The following SMYD3 variants were observed in gnomAD, a reference collection of about 807,000 sequenced individuals.
SMYD3 encodes SET and MYND domain containing 3.
A neutral mutation model predicts 57.7 loss-of-function variants in SMYD3; 36 were observed. The ratio of observed to expected loss-of-function variants is 0.62; its 90% CI spans 0.48 to 0.82. The LOEUF is 0.82. Ranked by LOEUF, SMYD3 falls within the 40% of genes least tolerant of loss-of-function variation. The pLI, the probability that SMYD3 is intolerant of heterozygous loss-of-function variation, is 0.00. For missense variants in SMYD3, 515 were observed against 538.8 expected, an observed-to-expected ratio of 0.96 and a Z score of 0.44; for synonymous variants, 211 against 195.0, an observed-to-expected ratio of 1.08 and a Z score of -0.68.
At chr1:246,150,544 T>C (rs973329395) in intron 5 of SMYD3, among the ~76,000 whole-genome samples, 2 of 152,232 alleles carry the variant, frequency 1.3e-5, no homozygotes, top group African/African-American at 2.4e-5. Context: ...CTTATTACTA[T>C]ACTGCTAATT....
intron 5 of SMYD3, among the ~76,000 whole-genome samples, chr1:246,232,894 G>A (rs79063397): frequency 3.8e-5 from 5 of 131,024 alleles, no homozygotes; most frequent in African/African-American, 8.7e-5. Flanking sequence ...ATACCACACA[G>A]AGGAGAAGCA....
In SMYD3 at chr1:246,486,099, G is replaced by T. The variant is rs575402394; in HGVS notation, c.164+20955C>A. On this transcript the variant is annotated intron_variant, in intron 1 of 11. Transcript: ENST00000490107. ...ATATAATATCCCAGGCTTTACGCTGGATGCTGAACACTTTATCATAGATTA... is the reference window on the plus strand; with the variant it reads ...ATATAATATCCCAGGCTTTACGCTGTATGCTGAACACTTTATCATAGATTA... Among the ~76,000 whole-genome samples, 7 of 152,176 alleles carry T rather than the reference G, an allele frequency of 4.6e-5. No individual in the cohort carries two copies. In the South Asian group the frequency reaches 1.4e-3, roughly 31 times the overall value.
At chr1:246,446,130 T>G (rs1004043480) in intron 1 of SMYD3, among the ~76,000 whole-genome samples, 2 of 152,166 alleles carry the variant, frequency 1.3e-5, no homozygotes, top group African/African-American at 4.8e-5. Flanking sequence ...GCCTCTAAAA[T>G]AAAGACCAAG....
intron 1 of SMYD3, among the ~76,000 whole-genome samples, chr1:246,412,858 CA>C (rs35012889): frequency 0.47 from 56,777 of 119,672 alleles, 11,202 homozygotes; most frequent in Admixed American, 0.57. Context: ...GACTCCGTCT[CA>C]AAAAAAAAAA....
intron 8 of SMYD3, among the ~76,000 whole-genome samples, chr1:245,894,717 C>T (rs750467530): frequency 1.4e-4 from 21 of 152,162 alleles, no homozygotes; most frequent in Admixed American, 2.0e-4. Flanking sequence ...ACCTGTGGAC[C>T]ATGTGTTGGG....
At chr1:246,485,606 A>ACC (rs34630885) in intron 1 of SMYD3, among the ~76,000 whole-genome samples, 2,505 of 148,960 alleles carry the variant, frequency 0.017, 67 homozygotes, top group African/African-American at 0.053. Flanking sequence ...ATACAGTGAG[A>ACC]CCCCCCCCCA....
At chr1:245,884,756 C>G (rs34210654) in intron 8 of SMYD3, among the ~76,000 whole-genome samples, 87,220 of 134,812 alleles carry the variant, frequency 0.65, 28,945 homozygotes, top group Non-Finnish European at 0.78. Flanking sequence ...AAAAACGCAC[C>G]AATCAGCGCT....
At chr1:246,065,111 T>C (rs966523495) in intron 5 of SMYD3, among the ~76,000 whole-genome samples, 3 of 152,186 alleles carry the variant, frequency 2.0e-5, no homozygotes, top group Non-Finnish European at 4.4e-5. Flanking sequence ...CACTGTCCCA[T>C]TGTTTAGAGG....
intron 10 of SMYD3, among the ~76,000 whole-genome samples, chr1:245,856,200 G>C (rs757459629): frequency 2.4e-4 from 37 of 152,334 alleles, no homozygotes; most frequent in Non-Finnish European, 4.3e-4. Context: ...AGGGGAAAAA[G>C]GCAAAGTATG....
rs547763618 is a variant in SMYD3, at chr1:246,507,001, C to A, written c.164+53G>T. On this transcript the variant is annotated intron_variant, in intron 1 of 11. Transcript: ENST00000490107. ...CCGGCCGCCCGACGCCCCCCCCTCC[C>A]CAGCACCCCACACAGCTCGCGACTC... 2.1e-4 allele frequency: 238 copies of A among 1,159,252 alleles called. 4 individuals carry two copies. The East Asian group carries it at 8.5e-3, about 41-fold the overall frequency. The allele number at this position is 1,159,252 out of a possible 1,614,324, so 71.8% of individuals were successfully genotyped here.
intron 5 of SMYD3, among the ~76,000 whole-genome samples, chr1:246,219,392 T>G (rs1265833435): frequency 6.6e-6 from 1 of 152,116 alleles, no homozygotes; most frequent in African/African-American, 2.4e-5. Context: ...TGGCCAGAGA[T>G]GACCGCATTT....
At chr1:246,221,619 A>C (rs2063255496) in intron 5 of SMYD3, among the ~76,000 whole-genome samples, 1 of 152,164 alleles carries the variant, frequency 6.6e-6, no homozygotes, top group African/African-American at 2.4e-5. Context: ...AGCCGCTTGC[A>C]GTGAACCCGG....
intron 11 of SMYD3, among the ~76,000 whole-genome samples, chr1:245,759,685 A>G (rs2045760993): frequency 6.6e-6 from 1 of 152,212 alleles, no homozygotes; most frequent in Non-Finnish European, 1.5e-5. Context: ...GATGCAGAAA[A>G]AGCTAAAAAG....
intron 8 of SMYD3, among the ~76,000 whole-genome samples, chr1:245,909,550 T>C (rs192409322): frequency 4.1e-4 from 62 of 152,160 alleles, no homozygotes; most frequent in African/African-American, 1.4e-3. Flanking sequence ...CTGATTAGCA[T>C]AGACACACTT....
At chr1:246,098,735 G>T (rs538271362) in intron 5 of SMYD3, among the ~76,000 whole-genome samples, 2 of 152,172 alleles carry the variant, frequency 1.3e-5, no homozygotes, top group African/African-American at 4.8e-5. Context: ...ATGGTATTTA[G>T]ATTGTAAGTA....
intron 10 of SMYD3, among the ~76,000 whole-genome samples, chr1:245,784,290 C>T (rs1449662415): frequency 1.3e-5 from 2 of 152,154 alleles, no homozygotes; most frequent in Non-Finnish European, 2.9e-5. Context: ...ATCTAAGCAT[C>T]TATGTATGGC....
chr1:245,980,740 G>A (rs186283035), intron 5 of SMYD3, among the ~76,000 whole-genome samples: 3 of 152,344 alleles, frequency 2.0e-5, no homozygotes. Flanking sequence ...GGCTGCCGAC[G>A]TTGACTGGAA....
chr1:246,168,261 G>A (rs866884988), intron 5 of SMYD3, among the ~76,000 whole-genome samples: 16 of 152,220 alleles, frequency 1.1e-4, no homozygotes, highest in African/African-American at 3.4e-4. Context: ...CAGGTAGCAC[G>A]TTCATGTAAT....
chr1:246,360,275 A>G (rs1005243725), intron 1 of SMYD3, among the ~76,000 whole-genome samples: 2 of 152,150 alleles, frequency 1.3e-5, no homozygotes, highest in South Asian at 4.1e-4. Context: ...GGAGGTGAAG[A>G]CCTCTATAAG....
Sources: allele counts gnomAD v4.1 joint callset (sites outside exome capture counted in the v4.1 genomes callset), GRCh38; gene constraint gnomAD v4.1.1; transcripts MANE v1.5; gene names NCBI Gene and HGNC (gene_info 2026-07-23, HGNC 2026-07-21).